TMEM204: variants seen among roughly 807,000 people sequenced by gnomAD.
TMEM204 encodes the protein transmembrane protein 204, also known as claudin-like protein 24.
Under a neutral mutation model 19.4 loss-of-function variants are expected in TMEM204, and 15 were observed. The ratio of observed to expected loss-of-function variants is 0.77; its 90% CI spans 0.52 to 1.19. TMEM204 has a LOEUF of 1.19. Among genes scored for constraint, TMEM204 ranks in the 50% most tolerant of loss-of-function variants. The probability of loss-of-function intolerance (pLI) is 0.00; values close to 1 mark genes in which losing one functional copy is unlikely to be tolerated. For missense variants in TMEM204, 287 were observed against 321.2 expected, an observed-to-expected ratio of 0.89 and a Z score of 0.81; for synonymous variants, 161 against 146.0, an observed-to-expected ratio of 1.10 and a Z score of -0.74.
chr16:1,534,990 A>T (rs1359876946), intron 1 of TMEM204, among the ~76,000 whole-genome samples: 1 of 152,152 alleles, frequency 6.6e-6, no homozygotes, highest in Non-Finnish European at 1.5e-5. Flanking sequence ...GGACTGCTTG[A>T]GGCCAAGAGT....
chr16:1,553,904 G>C lies in TMEM204; in HGVS notation c.437-878G>C, dbSNP rs967030938. 7.8e-7 allele frequency: 1 copy of C among 1,274,826 alleles called. No homozygotes were observed. The highest frequency in any genetic ancestry group is 1.0e-6 in the Non-Finnish European group (1 of 980,396). 79.0% of individuals were successfully genotyped at this position (1,274,826 alleles called of 1,614,324 possible). A position where few individuals can be genotyped will look rare whatever the true frequency, so the allele number is the denominator to read the frequency against. ...CGAAACCCTGATTTTCCTGTTGTAAGAACTAAAAAGGTCTTTGGAGCTCCT... is the reference window on the plus strand; with the variant it reads ...CGAAACCCTGATTTTCCTGTTGTAACAACTAAAAAGGTCTTTGGAGCTCCT... On this transcript the variant is annotated intron_variant, in intron 2 of 2. Transcript: ENST00000566264. The surrounding 1 kb of genome is among the most constrained non-coding windows in gnomAD (Gnocchi z 4.4).
chr16:1,534,156 G>A lies in TMEM204; in HGVS notation c.-120G>A, dbSNP rs1013903796. On this transcript the variant is annotated 5_prime_UTR_variant, in exon 1 of 3. Coordinates refer to ENST00000566264, the MANE Select transcript of TMEM204 (RefSeq NM_024600.6). Reference sequence around the variant, plus strand: ...CATCCCATGGGCCTCCGCCCGCGCCGCCCCGAGGATGAGTGGTGATGTCCT... The same window carrying A: ...CATCCCATGGGCCTCCGCCCGCGCCACCCCGAGGATGAGTGGTGATGTCCT... The A allele has an allele frequency of 1.7e-5, 22 of 1,332,866 alleles. No individual in the cohort carries two copies. Among genetic ancestry groups the A allele is most frequent in the African/African-American group, 4.5e-5 (3 of 67,086 alleles). The allele number at this position is 1,332,866 out of a possible 1,614,324, so 82.6% of individuals were successfully genotyped here.
intron 1 of TMEM204, among the ~76,000 whole-genome samples, chr16:1,537,251 G>A (rs1223818322): frequency 6.6e-6 from 1 of 151,996 alleles, no homozygotes; most frequent in Non-Finnish European, 1.5e-5. Context: ...GCCACACCGC[G>A]TGCCTCCTCA....
At chr16:1,541,045 G>A (rs565814371) in intron 1 of TMEM204, 22 of 985,262 alleles carry the variant, frequency 2.2e-5, no homozygotes, top group East Asian at 1.1e-4. Context: ...GAAACGTGAC[G>A]AGCCCTGGTC....
rs958205241 is a variant in TMEM204, at chr16:1,554,959, T to C, written c.614T>C (p.Ile205Thr). 1 of 1,614,094 alleles carries C rather than the reference T, an allele frequency of 6.2e-7. No homozygotes were observed. Among genetic ancestry groups the C allele is most frequent in the Non-Finnish European group, 8.5e-7 (1 of 1,180,028 alleles). The change falls in exon 3 of 3, where the codon ATC becomes ACC. Residue 205 changes from isoleucine to threonine, a missense_variant. Transcript: ENST00000566264. ...TGCATGGCCCCCCGGGTGATTGTCA[T>C]CAGCCGCTCCCTGACAGCGCGCTTT... Reference protein sequence around the residue: ...EDCMAPRVIVISRSLTARFRR... With the variant: ...EDCMAPRVIVTSRSLTARFRR...
intron 2 of TMEM204, among the ~76,000 whole-genome samples, chr16:1,550,349 G>A (rs2032533101): frequency 6.6e-6 from 1 of 152,354 alleles, no homozygotes; most frequent in African/African-American, 2.4e-5. Context: ...GGGAGGTCAT[G>A]TCTGGATTAG....
intron 2 of TMEM204, among the ~76,000 whole-genome samples, chr16:1,544,532 G>A (rs1426794959): frequency 6.6e-6 from 1 of 151,990 alleles, no homozygotes; most frequent in African/African-American, 2.4e-5. Flanking sequence ...GTTTCACCAT[G>A]TTGGTCCAGC....
chr16:1,529,508 G>A (rs1192760511), upstream of TMEM204, among the ~76,000 whole-genome samples: 3 of 152,232 alleles, frequency 2.0e-5, no homozygotes, highest in East Asian at 1.9e-4. Context: ...CAGGCGCAGC[G>A]TCCTGATCTC....
rs2031698613 is a variant in TMEM204, at chr16:1,542,037, T to A, written c.397T>A (p.Cys133Ser). Residue 133 changes from cysteine (C) to serine (S), a missense_variant, in exon 2 of 3, where the codon TGC (cysteine) becomes AGC (serine). Physicochemically the swap from Cys to Ser is moderately radical, Grantham distance 112. Coordinates refer to ENST00000566264, the MANE Select transcript of TMEM204 (RefSeq NM_024600.6). Reference sequence around the variant, plus strand: ...GCCCCTGCTGTCACCCGACGCCCCGTGCTGGGAGGAGGCCATGGCCGCTGC... The same window carrying A: ...GCCCCTGCTGTCACCCGACGCCCCGAGCTGGGAGGAGGCCATGGCCGCTGC... ...GLPLLSPDAPCWEEAMAAAFQ... is the reference protein window; with the variant it reads ...GLPLLSPDAPSWEEAMAAAFQ... 1 of 1,611,046 alleles carries A rather than the reference T, an allele frequency of 6.2e-7. No individual in the cohort carries two copies. Among genetic ancestry groups the A allele is most frequent in the Admixed American group, 1.7e-5 (1 of 59,894 alleles).
Position 1,551,062 on chromosome 16 carries a change from G to A in TMEM204, c.437-3720G>A, listed in dbSNP as rs528174084. The stretch of plus-strand genomic sequence containing the variant: ...GGGTCCTGGTCACTCAACTGCCAAG[G>A]CTGCTGTTCCTCCTCGCCTTTCCCG... On this transcript the variant is annotated intron_variant, in intron 2 of 2. Coordinates refer to ENST00000566264, the MANE Select transcript of TMEM204 (RefSeq NM_024600.6). This position sits in a 1 kb window ranked among gnomAD's most constrained non-coding sequence, Gnocchi z 4.0. Among the ~76,000 whole-genome samples, 2 of 152,202 alleles carry A rather than the reference G, an allele frequency of 1.3e-5. No individual in the cohort carries two copies. The highest frequency in any genetic ancestry group is 6.5e-5 in the Admixed American group (1 of 15,282).
At position 1,554,877 on chromosome 16, in the gene TMEM204, C is replaced by T. The variant is rs761728994; in HGVS notation, c.532C>T (p.Leu178=). The part of the protein sequence containing the change: ...SCYLNIGACL[L]ATLAAAMLIW... ...CTACCTGAACATTGGCGCCTGCCTT[C>T]TGGCCACGCTGGCGGCAGCCATGCT... Residue 178 remains leucine (L), a synonymous_variant, in exon 3 of 3, where the codon CTG becomes TTG. Coordinates refer to ENST00000566264, the MANE Select transcript of TMEM204 (RefSeq NM_024600.6). The T allele has an allele frequency of 6.8e-6, 11 of 1,614,278 alleles. No individual in the cohort carries two copies. The Admixed American group carries it at 1.5e-4, about 22-fold the overall frequency.
chr16:1,552,955 G>A, intron 2 of TMEM204: 1 of 984,840 alleles, frequency 1.0e-6, no homozygotes, highest in Non-Finnish European at 1.2e-6. Context: ...GCCTTGTCTA[G>A]AATGTTATTT....
intron 1 of TMEM204, 39 bp downstream of exon 1, chr16:1,534,594 G>A (rs372773972): frequency 7.5e-6 from 12 of 1,595,780 alleles, no homozygotes; most frequent in East Asian, 2.2e-5. Flanking sequence ...CAGCGTGGCC[G>A]AGGCTCGAGG....
upstream of TMEM204, chr16:1,533,550 C>T (rs1436541155): frequency 1.3e-5 from 2 of 152,360 alleles, no homozygotes; most frequent in Non-Finnish European, 2.9e-5. The surrounding 1 kb of genome is among the most constrained non-coding windows in gnomAD (Gnocchi z 4.7). Flanking sequence ...TCAGAAGTCT[C>T]CTGGCCTTTC....
intron 2 of TMEM204, among the ~76,000 whole-genome samples, chr16:1,552,437 A>C (rs889575733): frequency 6.6e-6 from 1 of 151,834 alleles, no homozygotes; most frequent in African/African-American, 2.4e-5. Context: ...CACCAGCACA[A>C]CCCACACCCC....
Position 1,555,125 on chromosome 16 carries a change from G to A in TMEM204, c.*99G>A, listed in dbSNP as rs1311421492. 1 of 1,459,486 alleles carries A rather than the reference G, an allele frequency of 6.9e-7. No homozygotes were observed. Among genetic ancestry groups the A allele is most frequent in the African/African-American group, 1.4e-5 (1 of 71,484 alleles). The allele number at this position is 1,459,486 out of a possible 1,614,324, so 90.4% of individuals were successfully genotyped here. ...CCAAGTCACTTCCCCTGCTCGTGCA[G>A]AGGCACGGGATGAGTCTGGGTGACC... On this transcript the variant is annotated 3_prime_UTR_variant, in exon 3 of 3. Coordinates refer to ENST00000566264, the MANE Select transcript of TMEM204 (RefSeq NM_024600.6).
At chr16:1,547,801 G>T (rs998280281) in intron 2 of TMEM204, among the ~76,000 whole-genome samples, 16 of 152,198 alleles carry the variant, frequency 1.1e-4, no homozygotes, top group African/African-American at 3.9e-4. Context: ...CTCCCACAGC[G>T]CTGGGATTAC....
At chr16:1,546,582 C>T (rs893395348) in intron 2 of TMEM204, among the ~76,000 whole-genome samples, 10 of 152,202 alleles carry the variant, frequency 6.6e-5, no homozygotes, top group Non-Finnish European at 7.4e-5. Flanking sequence ...GCTTCAGGCC[C>T]GAGGCGCATC....
chr16:1,552,435 C>A (rs1482882974), intron 2 of TMEM204, among the ~76,000 whole-genome samples: 1 of 152,088 alleles, frequency 6.6e-6, no homozygotes, highest in Non-Finnish European at 1.5e-5. Context: ...GACACCAGCA[C>A]AACCCACACC....
Sources: gnomAD v4.1 joint callset for allele counts (sites outside exome capture counted in the v4.1 genomes callset) on GRCh38, gnomAD v4.1.1 for gene constraint, Gnocchi (gnomAD v3.1) non-coding constraint, MANE v1.5 for transcripts, NCBI Gene and HGNC (gene_info 2026-07-23, HGNC 2026-07-21) for gene names.